Variants in REC114 observed in about 807,000 individuals in gnomAD.
REC114 encodes the protein meiotic recombination protein REC114.
In REC114, 27 loss-of-function variants were observed where a neutral mutation model predicts 31.3. That is an observed-to-expected ratio of 0.86 (90% CI 0.64 to 1.19). The LOEUF is 1.19. Among genes scored for constraint, REC114 ranks in the 50% most tolerant of loss-of-function variants. The probability of loss-of-function intolerance (pLI) is 0.00; values close to 1 mark genes in which losing one functional copy is unlikely to be tolerated. For missense variants in REC114, 344 were observed against 326.9 expected (o/e 1.05, Z -0.40); for synonymous variants, 134 against 127.7 (o/e 1.05, Z -0.33).
intron 2 of REC114, among the ~76,000 whole-genome samples, chr15:73,500,365 A>AC (rs1555487152): frequency 2.6e-5 from 4 of 151,882 alleles, no homozygotes; most frequent in Non-Finnish European, 4.4e-5. Flanking sequence ...AAAAAAAAAA[A>AC]AAACTTGTTT....
rs1032301604 is a variant in REC114, at chr15:73,481,900, C to A, written c.249+7979C>A. Among the ~76,000 whole-genome samples the A allele has an allele frequency of 3.3e-5, 5 of 152,080 alleles. No homozygotes were observed. The East Asian group carries it at 9.7e-4, about 30-fold the overall frequency. On this transcript the variant is annotated intron_variant, in intron 2 of 5. Coordinates refer to ENST00000331090, the MANE Select transcript of REC114 (RefSeq NM_001042367.2). Reference sequence around the variant, plus strand: ...GGTCTCAAACTCCTGAGCTTGTGATCTGCCCACCTCGGCCTCCCAAAGTGC... The same window carrying A: ...GGTCTCAAACTCCTGAGCTTGTGATATGCCCACCTCGGCCTCCCAAAGTGC...
chr15:73,492,818 A>G (rs1260798618), intron 2 of REC114, among the ~76,000 whole-genome samples: 1 of 151,938 alleles, frequency 6.6e-6, no homozygotes, highest in Non-Finnish European at 1.5e-5. Context: ...TTTTCTTTTT[A>G]GCCGTTTTGG....
chr15:73,481,483 A>G (rs1222804098), intron 2 of REC114, among the ~76,000 whole-genome samples: 1 of 151,996 alleles, frequency 6.6e-6, no homozygotes, highest in Non-Finnish European at 1.5e-5. Context: ...GAAGGCTGAG[A>G]TATCTTGACC....
chr15:73,485,072 T>C (rs1893346944), intron 2 of REC114, among the ~76,000 whole-genome samples: 1 of 152,172 alleles, frequency 6.6e-6, no homozygotes, highest in Non-Finnish European at 1.5e-5. Flanking sequence ...AAAGTCAAGT[T>C]ATTCATACCA....
At position 73,551,178 on chromosome 15, in the gene REC114, A is replaced by G. The variant is rs563106799; in HGVS notation, c.546+28A>G. The G allele has an allele frequency of 8.3e-6, 13 of 1,562,594 alleles. 1 individual carries two copies. In the South Asian group the frequency reaches 1.5e-4, roughly 18 times the overall value. On this transcript the variant is annotated intron_variant, in intron 4 of 5. Transcript: ENST00000331090. ...AAGTAGGCTGATGTGTTGGTTATACAGGAAACATGACAATGCAGTGCACAA... is the reference window on the plus strand; with the variant it reads ...AAGTAGGCTGATGTGTTGGTTATACGGGAAACATGACAATGCAGTGCACAA...
chr15:73,490,886 A>G (rs1481430636), intron 2 of REC114, among the ~76,000 whole-genome samples: 1 of 152,142 alleles, frequency 6.6e-6, no homozygotes, highest in African/African-American at 2.4e-5. Flanking sequence ...GCTTTCTGGC[A>G]CTACAGATTA....
At chr15:73,485,269 A>G (rs1210763613) in intron 2 of REC114, among the ~76,000 whole-genome samples, 1 of 152,030 alleles carries the variant, frequency 6.6e-6, no homozygotes. Context: ...TTTTTAGTAG[A>G]GACAGGGTTT....
chr15:73,559,009 C>T (rs1350796354), intron 5 of REC114, among the ~76,000 whole-genome samples: 1 of 152,118 alleles, frequency 6.6e-6, no homozygotes, highest in Non-Finnish European at 1.5e-5. Context: ...TGGATTAATC[C>T]CAAATGTATT....
intron 2 of REC114, among the ~76,000 whole-genome samples, chr15:73,481,682 G>A (rs554380407): frequency 1.7e-4 from 22 of 130,620 alleles, no homozygotes; most frequent in African/African-American, 5.0e-4. Flanking sequence ...TTTTTGAGGC[G>A]GAGTCTCACT....
At chr15:73,470,441 G>C (rs1258981322) in intron 1 of REC114, among the ~76,000 whole-genome samples, 1 of 152,038 alleles carries the variant, frequency 6.6e-6, no homozygotes, top group East Asian at 1.9e-4. Flanking sequence ...GTGCAGATCT[G>C]CTGGTGATGA....
Position 73,443,203 on chromosome 15 carries a change from A to G in REC114, c.18A>G (p.Lys6=), listed in dbSNP as rs914165545. Residue 6 remains lysine (K), a synonymous_variant, in exon 1 of 6, where the codon AAA becomes AAG. Coordinates refer to ENST00000331090, the MANE Select transcript of REC114 (RefSeq NM_001042367.2). MAEAG[K]VPLSLGLTGG... ...GGCAGGACATGGCGGAGGCAGGAAA[A>G]GTGCCCTTGAGCCTCGGGCTTACCG... 3.5e-5 allele frequency: 55 copies of G among 1,572,338 alleles called. No individual in the cohort carries two copies. The highest frequency in any genetic ancestry group is 4.7e-5 in the Non-Finnish European group (54 of 1,159,946).
intron 4 of REC114, among the ~76,000 whole-genome samples, chr15:73,555,379 C>T (rs965255712): frequency 6.6e-6 from 1 of 152,168 alleles, no homozygotes; most frequent in Non-Finnish European, 1.5e-5. Flanking sequence ...TAGGAAGGAA[C>T]GGAGGTAGGG....
intron 5 of REC114, 125 bp downstream of exon 5, chr15:73,556,516 TAGAGAC>T (rs1894470780): frequency 1.2e-6 from 1 of 809,898 alleles, no homozygotes; most frequent in Non-Finnish European, 1.9e-6. Context: ...TAAAAGGTGA[TAGAGAC>T]AGAGACGGGC....
At chr15:73,548,922 C>G (rs1894350237) in intron 3 of REC114, among the ~76,000 whole-genome samples, 1 of 152,110 alleles carries the variant, frequency 6.6e-6, no homozygotes, top group South Asian at 2.1e-4. Context: ...CAAACTAACA[C>G]AGGAACAGAA....
At chr15:73,489,083 C>T (rs945505105) in intron 2 of REC114, among the ~76,000 whole-genome samples, 2 of 151,984 alleles carry the variant, frequency 1.3e-5, no homozygotes, top group Admixed American at 1.3e-4. Context: ...GAGTGCTGCT[C>T]TCTGCTTTTG....
At chr15:73,445,554 T>C (rs950348952) in intron 1 of REC114, among the ~76,000 whole-genome samples, 1 of 152,210 alleles carries the variant, frequency 6.6e-6, no homozygotes, top group Admixed American at 6.5e-5. Context: ...CTCACTAAGC[T>C]TAATCATTTC....
chr15:73,529,015 T>C lies in REC114; in HGVS notation c.250-11470T>C, dbSNP rs368336120. Reference sequence around the variant, plus strand: ...TAAAAAACCAAGATCATCAGGAAAATGTGAACAGCAACAAAGATACTTGAT... The same window carrying C: ...TAAAAAACCAAGATCATCAGGAAAACGTGAACAGCAACAAAGATACTTGAT... On this transcript the variant is annotated intron_variant, in intron 2 of 5. Coordinates refer to ENST00000331090, the MANE Select transcript of REC114 (RefSeq NM_001042367.2). Among the ~76,000 whole-genome samples the C allele has an allele frequency of 1.7e-4, 26 of 152,278 alleles. No homozygotes were observed. In the East Asian group the frequency reaches 4.4e-3, roughly 26 times the overall value.
At position 73,448,820 on chromosome 15, in the gene REC114, C is replaced by G. The variant is rs770704011; in HGVS notation, c.159+5476C>G. ...AGTAAGGAACAGGCAGCAGCCTGTTCTGCAGCCTCCGCTGGTGATACCCAG... is the reference window on the plus strand; with the variant it reads ...AGTAAGGAACAGGCAGCAGCCTGTTGTGCAGCCTCCGCTGGTGATACCCAG... On this transcript the variant is annotated intron_variant, in intron 1 of 5. Transcript: ENST00000331090. Among the ~76,000 whole-genome samples, 12 of 152,210 alleles carry G rather than the reference C, an allele frequency of 7.9e-5. No homozygotes were observed. In the South Asian group the frequency reaches 1.4e-3, roughly 18 times the overall value.
At chr15:73,548,846 A>G (rs1467274981) in intron 3 of REC114, among the ~76,000 whole-genome samples, 1 of 152,240 alleles carries the variant, frequency 6.6e-6, no homozygotes, top group Non-Finnish European at 1.5e-5. Flanking sequence ...ATGGAGTACT[A>G]TGCAGCCATA....
Sources: allele counts gnomAD v4.1 joint callset (sites outside exome capture counted in the v4.1 genomes callset), GRCh38; gene constraint gnomAD v4.1.1; transcripts MANE v1.5; gene names NCBI Gene and HGNC (gene_info 2026-07-23, HGNC 2026-07-21).